The following NEDD4L variants were observed in gnomAD, a reference collection of about 807,000 sequenced individuals.
The protein encoded by NEDD4L is NEDD4 like E3 ubiquitin protein ligase.
In NEDD4L, 54 loss-of-function variants were observed where a neutral mutation model predicts 148.9. The ratio of observed to expected loss-of-function variants is 0.36; its 90% CI spans 0.29 to 0.45. The LOEUF (loss-of-function observed/expected upper bound fraction) is 0.45. Among genes scored for constraint, NEDD4L ranks in the 20% least tolerant of loss-of-function variants. The pLI is 1.00. For synonymous variants in NEDD4L, 433 were observed against 440.7 expected (o/e 0.98, Z 0.22); for missense variants, 856 against 1,233.8 (o/e 0.69, Z 4.59).
At chr18:58,270,923 G>A (rs2050946028) in intron 5 of NEDD4L, among the ~76,000 whole-genome samples, 1 of 151,912 alleles carries the variant, frequency 6.6e-6, no homozygotes, top group Admixed American at 6.6e-5. Context: ...TCTGTCTTTG[G>A]TCTTTCTCCC....
rs1018076523 is a variant in NEDD4L at position 58,356,797 on chromosome 18, C to T, written c.1709-397C>T. On this transcript the variant is annotated intron_variant, in intron 18 of 30. Transcript: ENST00000400345. ...AAGTATTTGAAATGAGAAAAAAAAT[C>T]GTGTGTGTGTTTGTTAGCCTTTTGG... Among the ~76,000 whole-genome samples the T allele has an allele frequency of 5.3e-5, 8 of 152,148 alleles. No homozygotes were observed. The South Asian group carries it at 8.3e-4, about 16-fold the overall frequency.
intron 2 of NEDD4L, among the ~76,000 whole-genome samples, chr18:58,194,925 A>T (rs2040495288): frequency 6.6e-6 from 1 of 152,216 alleles, no homozygotes; most frequent in Non-Finnish European, 1.5e-5. Context: ...GGCTGTTTCT[A>T]CAAACAAGAA....
At chr18:58,149,404 C>G (rs2034435756) in intron 1 of NEDD4L, 1 of 1,493,128 alleles carries the variant, frequency 6.7e-7, no homozygotes, top group Non-Finnish European at 9.0e-7. Flanking sequence ...CTCCTGTGAC[C>G]TTGTCACCCG....
chr18:58,077,109 C>T (rs1334389157), intron 1 of NEDD4L, among the ~76,000 whole-genome samples: 5 of 151,030 alleles, frequency 3.3e-5, no homozygotes, highest in Non-Finnish European at 7.4e-5. Flanking sequence ...CCTCAGCCTC[C>T]CAAAGTGCTG....
At chr18:58,204,597 C>T (rs1487952279) in intron 2 of NEDD4L, among the ~76,000 whole-genome samples, 2 of 152,128 alleles carry the variant, frequency 1.3e-5, no homozygotes, top group Non-Finnish European at 2.9e-5. Flanking sequence ...AATGAGCAGG[C>T]GTCTAAGTAA....
At chr18:58,351,568 A>T (rs181807195) in intron 18 of NEDD4L, among the ~76,000 whole-genome samples, 110 of 152,318 alleles carry the variant, frequency 7.2e-4, no homozygotes, top group African/African-American at 2.5e-3. Context: ...TTTGCTATAG[A>T]CATTTGCTCC....
intron 1 of NEDD4L, among the ~76,000 whole-genome samples, chr18:58,134,769 ATT>A (rs71173032): frequency 0.051 from 6,722 of 131,380 alleles, 105 homozygotes; most frequent in South Asian, 0.082. Flanking sequence ...AGCAATTTTC[ATT>A]TTTTTTTTTT....
chr18:58,223,713 T>C (rs2044027708), intron 2 of NEDD4L, among the ~76,000 whole-genome samples: 1 of 152,242 alleles, frequency 6.6e-6, no homozygotes, highest in Non-Finnish European at 1.5e-5. Flanking sequence ...TAGACGGGGC[T>C]TTCCTTTCTA....
At chr18:58,135,872 A>G (rs149460019) in intron 1 of NEDD4L, among the ~76,000 whole-genome samples, 8 of 152,326 alleles carry the variant, frequency 5.3e-5, no homozygotes, top group African/African-American at 1.9e-4. Flanking sequence ...TTATTGAGAC[A>G]GTCTTGGCCC....
intron 2 of NEDD4L, among the ~76,000 whole-genome samples, chr18:58,202,703 C>T (rs1048998498): frequency 3.3e-5 from 5 of 152,340 alleles, no homozygotes; most frequent in South Asian, 2.1e-4. Context: ...TCTTGGATAG[C>T]GTAGCCATCC....
intron 2 of NEDD4L, among the ~76,000 whole-genome samples, chr18:58,181,399 C>G (rs1175771802): frequency 6.6e-6 from 1 of 152,232 alleles, no homozygotes; most frequent in Non-Finnish European, 1.5e-5. Flanking sequence ...AGCTTCAACA[C>G]TCTTCCAGGT....
At chr18:58,354,502 A>G (rs1001844047) in intron 18 of NEDD4L, among the ~76,000 whole-genome samples, 1 of 151,930 alleles carries the variant, frequency 6.6e-6, no homozygotes, top group Admixed American at 6.6e-5. Context: ...ACCATACTTC[A>G]CTGAAGAATT....
chr18:58,216,441 A>G (rs951647499), intron 2 of NEDD4L, among the ~76,000 whole-genome samples: 1 of 152,116 alleles, frequency 6.6e-6, no homozygotes, highest in Non-Finnish European at 1.5e-5. Flanking sequence ...AGTGAGAGTG[A>G]CCCAGAGGCC....
chr18:58,321,876 C>T (rs2058810197), intron 6 of NEDD4L, among the ~76,000 whole-genome samples: 1 of 152,198 alleles, frequency 6.6e-6, no homozygotes, highest in Non-Finnish European at 1.5e-5. Context: ...TGAACAAATA[C>T]TCCACTTGTA....
chr18:58,349,872 G>A (rs1050138716), intron 17 of NEDD4L, among the ~76,000 whole-genome samples: 3 of 152,214 alleles, frequency 2.0e-5, no homozygotes, highest in Non-Finnish European at 4.4e-5. Context: ...GGATGTTCAA[G>A]AGACGTTCTC....
rs755584937 is a variant in NEDD4L at position 58,322,432 on chromosome 18, A to G, written c.356A>G (p.Asp119Gly). The G allele has an allele frequency of 6.2e-7, 1 of 1,609,054 alleles. No individual in the cohort carries two copies. The highest frequency in any genetic ancestry group is 8.5e-7 in the Non-Finnish European group (1 of 1,176,016). ...DVPLSHLPTEDPTMERPYTFK... is the reference protein window; with the variant it reads ...DVPLSHLPTEGPTMERPYTFK... Reference sequence around the variant, plus strand: ...ACTGTTTTTTCCCCACAGACAGAAGATCCAACCATGGAGCGACCCTATACA... The same window carrying G: ...ACTGTTTTTTCCCCACAGACAGAAGGTCCAACCATGGAGCGACCCTATACA... Residue 119 changes from aspartate (D) to glycine (G), a missense_variant, in exon 7 of 31, where the codon GAT becomes GGT. Asp to Gly is a moderately conservative substitution (Grantham distance 94, BLOSUM62 -1). This residue lies in a region of NEDD4L where 193 missense variants were observed against 244.2 expected (regional missense o/e 0.79). Coordinates refer to ENST00000400345, the MANE Select transcript of NEDD4L (RefSeq NM_001144967.3).
intron 2 of NEDD4L, among the ~76,000 whole-genome samples, chr18:58,199,729 C>T (rs768282133): frequency 5.3e-5 from 8 of 152,186 alleles, no homozygotes; most frequent in Non-Finnish European, 1.5e-5. Context: ...GAGAAACATT[C>T]TAGTCTCTTA....
At chr18:58,354,614 T>C (rs1015549714) in intron 18 of NEDD4L, among the ~76,000 whole-genome samples, 10 of 152,304 alleles carry the variant, frequency 6.6e-5, no homozygotes, top group African/African-American at 2.2e-4. Context: ...ATTAAAAAAA[T>C]AATGCACTAA....
At chr18:58,232,375 G>T (rs574807783) in intron 2 of NEDD4L, among the ~76,000 whole-genome samples, 3 of 152,314 alleles carry the variant, frequency 2.0e-5, no homozygotes, top group African/African-American at 7.2e-5. Context: ...CTTTTTGGAT[G>T]AATCAGACAC....
Sources: gnomAD v4.1 joint callset for allele counts (sites outside exome capture counted in the v4.1 genomes callset) on GRCh38, gnomAD v4.1.1 for gene constraint, gnomAD v4.1.1 regional missense constraint, MANE v1.5 for transcripts, NCBI Gene and HGNC (gene_info 2026-07-23, HGNC 2026-07-21) for gene names.